The following RAP1A variants were observed in gnomAD, a reference collection of about 807,000 sequenced individuals.
RAP1A encodes RAP1A, member of RAS oncogene family.
In RAP1A, 6 loss-of-function variants were observed where a neutral mutation model predicts 26.4. The ratio of observed to expected loss-of-function variants is 0.23; its 90% CI spans 0.12 to 0.45. The LOEUF is 0.45. Ranked by LOEUF, RAP1A falls within the 20% of genes least tolerant of loss-of-function variation. The pLI is 0.99. For synonymous variants in RAP1A, 73 were observed against 79.4 expected (o/e 0.92, Z 0.43); for missense variants, 121 against 217.2 (o/e 0.56, Z 2.78).
chr1:111,557,275 G>T (rs1051722073), intron 1 of RAP1A, among the ~76,000 whole-genome samples: 8 of 152,148 alleles, frequency 5.3e-5, no homozygotes, highest in African/African-American at 1.9e-4. Context: ...AAGGCCAGGC[G>T]TGGTGGCTCA....
chr1:111,632,225 C>CT (rs11314521), intron 1 of RAP1A, among the ~76,000 whole-genome samples: 18 of 145,912 alleles, frequency 1.2e-4, no homozygotes, highest in African/African-American at 3.0e-4. Flanking sequence ...TAAATGAGGG[C>CT]TTTTTTTTTT....
At position 111,709,268 on chromosome 1, in the gene RAP1A, A is replaced by G. The variant is rs750872216; in HGVS notation, c.*29+4A>G. The G allele has an allele frequency of 8.2e-6, 13 of 1,581,498 alleles. No homozygotes were observed. The highest frequency in any genetic ancestry group is 1.0e-5 in the Non-Finnish European group (12 of 1,170,208). On this transcript the variant is annotated splice_donor_region_variant and intron_variant, in intron 7 of 7. Transcript: ENST00000369709. ...GTCAGCAGCAGCTCTGAGCCAGGTA[A>G]GATGCTAAAAGCAGAACAAGTGCCT...
At chr1:111,588,799 C>T (rs757309656) in intron 1 of RAP1A, among the ~76,000 whole-genome samples, 7 of 152,124 alleles carry the variant, frequency 4.6e-5, no homozygotes, top group East Asian at 3.9e-4. Flanking sequence ...TTTGTTTATA[C>T]GTCTGCACTA....
intron 1 of RAP1A, among the ~76,000 whole-genome samples, chr1:111,641,373 A>T (rs1250628738): frequency 6.6e-6 from 1 of 152,140 alleles, no homozygotes; most frequent in Non-Finnish European, 1.5e-5. Flanking sequence ...AGTGTGGTGG[A>T]TTGCAACGCT....
At chr1:111,542,494 G>C (rs1037847595) in exon 1 of RAP1A, 1 of 191,220 alleles carries the variant, frequency 5.2e-6, no homozygotes, top group African/African-American at 2.4e-5. Context: ...TGAAATTTTG[G>C]AAGAGTCAGC....
chr1:111,634,664 G>A (rs767185333), intron 1 of RAP1A, among the ~76,000 whole-genome samples: 37 of 149,114 alleles, frequency 2.5e-4, no homozygotes, highest in Non-Finnish European at 4.0e-4. Context: ...TTATTTTTTC[G>A]AGATGGAGTC....
At position 111,580,349 on chromosome 1, in the gene RAP1A, G is replaced by A. The variant is rs535091140; in HGVS notation, c.-28+37840G>A. On this transcript the variant is annotated intron_variant, in intron 1 of 7. Coordinates refer to the RAP1A transcript ENST00000356415. The stretch of plus-strand genomic sequence containing the variant: ...TAAGATGGAGCATGGGAAGGTGGGA[G>A]GAGAAGCAACTTTGGGAAGAGGAGA... Among the ~76,000 whole-genome samples, 6 of 152,284 alleles carry A rather than the reference G, an allele frequency of 3.9e-5. No homozygotes were observed. The South Asian group carries it at 1.2e-3, about 32-fold the overall frequency.
chr1:111,562,038 C>CT (rs902236264), intron 1 of RAP1A, among the ~76,000 whole-genome samples: 1 of 152,130 alleles, frequency 6.6e-6, no homozygotes, highest in African/African-American at 2.4e-5. Context: ...ACTTTTCAAT[C>CT]TTTTTTCTCA....
intron 1 of RAP1A, among the ~76,000 whole-genome samples, chr1:111,627,061 A>G (rs550537128): frequency 3.5e-4 from 53 of 152,192 alleles, no homozygotes; most frequent in Non-Finnish European, 7.1e-4. Context: ...TGTTAGGTTC[A>G]GGATCTTTTT....
intron 1 of RAP1A, among the ~76,000 whole-genome samples, chr1:111,668,596 G>A (rs1660871374): frequency 6.6e-6 from 1 of 152,192 alleles, no homozygotes; most frequent in African/African-American, 2.4e-5. Flanking sequence ...TAAAGTAGTA[G>A]AACCAGGATT....
rs1662117192 is a variant in RAP1A at position 111,704,248 on chromosome 1, ATTTCAG to A, written c.325-92_325-87del. 8 of 1,319,100 alleles carry A rather than the reference ATTTCAG, an allele frequency of 6.1e-6. No homozygotes were observed. The East Asian group carries it at 2.0e-4, about 33-fold the overall frequency. 81.7% of individuals were successfully genotyped at this position (1,319,100 alleles called of 1,614,324 possible). The stretch of plus-strand genomic sequence containing the variant: ...TGAAGCTTGCGGTCCCAACTAATGC[ATTTCAG>A]TTGGTGGCAGATAATTGCTTATTTA... On this transcript the variant is annotated intron_variant, in intron 5 of 7. Coordinates refer to ENST00000369709, the MANE Select transcript of RAP1A (RefSeq NM_002884.4).
At chr1:111,623,645 A>G (rs978857892) in intron 1 of RAP1A, among the ~76,000 whole-genome samples, 6 of 152,122 alleles carry the variant, frequency 3.9e-5, no homozygotes, top group Non-Finnish European at 8.8e-5. Flanking sequence ...TCCTGACCTC[A>G]TGATCCGCCC....
intron 1 of RAP1A, among the ~76,000 whole-genome samples, chr1:111,601,979 T>G (rs990255463): frequency 6.6e-6 from 1 of 152,174 alleles, no homozygotes; most frequent in Admixed American, 6.5e-5. Context: ...AAACTTTAAT[T>G]GAATTTTCAA....
intron 1 of RAP1A, among the ~76,000 whole-genome samples, chr1:111,592,956 G>A (rs1421999671): frequency 1.3e-5 from 2 of 152,180 alleles, no homozygotes; most frequent in African/African-American, 2.4e-5. Flanking sequence ...GAAGAGCTCT[G>A]AGGATCAGTG....
chr1:111,604,758 T>C (rs1475760142), intron 1 of RAP1A: 2 of 152,200 alleles, frequency 1.3e-5, no homozygotes, highest in African/African-American at 4.8e-5. Context: ...CTCAAAATAA[T>C]TGCATGATTA....
chr1:111,703,823 G>T (rs1345072959), intron 5 of RAP1A, among the ~76,000 whole-genome samples: 1 of 152,180 alleles, frequency 6.6e-6, no homozygotes, highest in East Asian at 1.9e-4. Context: ...ACATTATTAA[G>T]ATCCATAGTG....
intron 1 of RAP1A, among the ~76,000 whole-genome samples, chr1:111,682,994 A>G (rs996958111): frequency 1.3e-5 from 2 of 152,244 alleles, no homozygotes; most frequent in Non-Finnish European, 2.9e-5. Context: ...CAGTCAAATT[A>G]GAACTCAGGA....
intron 1 of RAP1A, among the ~76,000 whole-genome samples, chr1:111,638,959 C>T (rs1659809048): frequency 6.6e-6 from 1 of 151,810 alleles, no homozygotes; most frequent in South Asian, 2.1e-4. Flanking sequence ...TAATTCAGAA[C>T]TCTAAAGGCA....
intron 7 of RAP1A, among the ~76,000 whole-genome samples, chr1:111,710,899 C>G (rs751873056): frequency 6.6e-6 from 1 of 152,204 alleles, no homozygotes; most frequent in Non-Finnish European, 1.5e-5. Context: ...GTGGCACACT[C>G]TGCTCACTGC....
Sources: allele counts gnomAD v4.1 joint callset (sites outside exome capture counted in the v4.1 genomes callset), GRCh38; gene constraint gnomAD v4.1.1; transcripts MANE v1.5; gene names NCBI Gene and HGNC (gene_info 2026-07-23, HGNC 2026-07-21).